Variants in CEP76 observed in about 807,000 individuals in gnomAD.
The protein encoded by CEP76 is centrosomal protein 76, also known as centrosomal protein of 76 kDa.
Under a neutral mutation model 83.3 loss-of-function variants are expected in CEP76, and 55 were observed. The ratio of observed to expected loss-of-function variants is 0.66; its 90% CI spans 0.53 to 0.83. CEP76 has a LOEUF of 0.83. Among genes scored for constraint, CEP76 ranks in the 40% least tolerant of loss-of-function variants. CEP76 has a pLI of 0.00. For missense variants in CEP76, 694 were observed against 799.5 expected (o/e 0.87, Z 1.59); for synonymous variants, 270 against 274.5 (o/e 0.98, Z 0.16).
chr18:12,690,087 C>G (rs199819430), intron 7 of CEP76, among the ~76,000 whole-genome samples: 1 of 87,118 alleles, frequency 1.1e-5, no homozygotes, highest in African/African-American at 3.2e-5. Context: ...CCGCGCCCGG[C>G]CAGGAAGCCA....
rs2040131578 is a variant in CEP76, at chr18:12,700,991, A to C, written c.186T>G (p.Ile62Met). 3.7e-6 allele frequency: 6 copies of C among 1,613,190 alleles called. No homozygotes were observed. Among genetic ancestry groups the C allele is most frequent in the Non-Finnish European group, 5.1e-6 (6 of 1,179,696 alleles). Residue 62 changes from isoleucine to methionine, a missense_variant, in exon 2 of 12, where the codon ATT (isoleucine) becomes ATG (methionine). Physicochemically the swap from Ile to Met is conservative, Grantham distance 10. Transcript: ENST00000262127. The part of the protein sequence containing the change: ...LIKALRRRGI[I>M]DDVMKELNFV... ...AATTAAGTTCTTTCATCACATCGTCAATGATTCCTCGACGTCTAAGGGCTT... is the reference window on the plus strand; with the variant it reads ...AATTAAGTTCTTTCATCACATCGTCCATGATTCCTCGACGTCTAAGGGCTT...
chr18:12,692,410 G>C (rs967928937), intron 6 of CEP76: 1 of 151,544 alleles, frequency 6.6e-6, no homozygotes, highest in Non-Finnish European at 1.5e-5. Flanking sequence ...ACTCTGGCCC[G>C]ACTATCTCAT....
At chr18:12,671,132 G>GGT (rs1001864950), downstream of CEP76, 3 of 149,368 alleles carry the variant, frequency 2.0e-5, no homozygotes, top group Non-Finnish European at 1.5e-5. Flanking sequence ...TAGAGAAATA[G>GGT]GGGGGGGTCT....
chr18:12,665,653 AC>A (rs1156500727), intron 12 of CEP76, among the ~76,000 whole-genome samples: 3 of 152,182 alleles, frequency 2.0e-5, no homozygotes, highest in African/African-American at 7.2e-5. Context: ...CCAGAGCTTA[AC>A]CTAAATTTAT....
rs768222033 is a variant in CEP76, at chr18:12,686,462, G to A, written c.934-12C>T. On this transcript the variant is annotated splice_polypyrimidine_tract_variant and intron_variant, in intron 7 of 11. Coordinates refer to ENST00000262127, the MANE Select transcript of CEP76 (RefSeq NM_024899.4). ...ATCCCATTTTCATCCTAGGGAAAAG[G>A]GGAAAAACATCTGTAATGACATATT... 1.3e-6 allele frequency: 2 copies of A among 1,581,904 alleles called. No homozygotes were observed. Among genetic ancestry groups the A allele is most frequent in the Non-Finnish European group, 8.6e-7 (1 of 1,158,472 alleles).
chr18:12,688,228 CAAAA>C (rs11337170), intron 7 of CEP76, among the ~76,000 whole-genome samples: 2 of 94,042 alleles, frequency 2.1e-5, no homozygotes, highest in Non-Finnish European at 4.3e-5. Context: ...GACTCCATCT[CAAAA>C]AAAAAAAAAA....
chr18:12,676,957 T>C (rs1384353208), intron 10 of CEP76, among the ~76,000 whole-genome samples: 1 of 152,114 alleles, frequency 6.6e-6, no homozygotes, highest in South Asian at 2.1e-4. Context: ...ATCAGAAATA[T>C]TTTGTAGGCA....
intron 1 of CEP76, among the ~76,000 whole-genome samples, chr18:12,701,892 A>T (rs1190414083): frequency 1.3e-5 from 2 of 152,184 alleles, no homozygotes; most frequent in East Asian, 3.9e-4. Context: ...GCACTTTAGG[A>T]GGCCGAGGCG....
chr18:12,680,674 A>G lies in CEP76; in HGVS notation c.1277T>C (p.Leu426Ser). ...TDGAITFWES[L>S]TGHRYIHKPT... ...TTAGTAAACTAACCTGTGTCCTGTT[A>G]AACTCTCCCAAAAAGTGATGGCCCC... The change falls in exon 9 of 12, where the codon TTA (leucine) becomes TCA (serine). Residue 426 changes from leucine to serine, a missense_variant. Physicochemically the swap from Leu to Ser is moderately radical, Grantham distance 145. Coordinates refer to ENST00000262127, the MANE Select transcript of CEP76 (RefSeq NM_024899.4). The G allele has an allele frequency of 4.3e-6, 7 of 1,610,626 alleles. No individual in the cohort carries two copies. Among genetic ancestry groups the G allele is most frequent in the Non-Finnish European group, 5.9e-6 (7 of 1,178,512 alleles).
chr18:12,668,597 C>CAAAAAAAAAAA (rs752216074), downstream of CEP76, among the ~76,000 whole-genome samples: 133 of 72,800 alleles, frequency 1.8e-3, 1 homozygote, highest in South Asian at 2.3e-3. Context: ...GATTCCATCT[C>CAAAAAAAAAAA]AAAAAAAAAA....
intron 6 of CEP76, among the ~76,000 whole-genome samples, chr18:12,692,523 C>T (rs2039805547): frequency 6.6e-6 from 1 of 151,462 alleles, no homozygotes; most frequent in African/African-American, 2.4e-5. Context: ...AAGCTCAGCC[C>T]CAATCTTTGC....
chr18:12,663,919 C>T (rs1343514900), intron 12 of CEP76, among the ~76,000 whole-genome samples: 1 of 151,900 alleles, frequency 6.6e-6, no homozygotes, highest in African/African-American at 2.4e-5. Context: ...AATCCCAGCA[C>T]TTTGGGAGGT....
At chr18:12,702,126 G>A (rs761484229) in intron 1 of CEP76, among the ~76,000 whole-genome samples, 7 of 152,006 alleles carry the variant, frequency 4.6e-5, no homozygotes, top group Admixed American at 1.3e-4. Context: ...TCCGTCTCAA[G>A]AAAGAAAAAA....
intron 10 of CEP76, among the ~76,000 whole-genome samples, chr18:12,676,361 G>A (rs1464321787): frequency 7.2e-6 from 1 of 138,352 alleles, no homozygotes; most frequent in African/African-American, 2.7e-5. Context: ...TCGGCTCACT[G>A]CAACCTCTGC....
chr18:12,697,229 C>T lies in CEP76; in HGVS notation c.700G>A (p.Gly234Ser), dbSNP rs559555963. Residue 234 changes from glycine to serine, a missense_variant, in exon 5 of 12, where the codon GGT becomes AGT. Gly to Ser is a moderately conservative substitution (Grantham distance 56, BLOSUM62 0). Transcript: ENST00000262127. ...GVTSLTVELM[G>S]VGTESKVSVG... is the part of the protein sequence containing the mutation. ...GATATATTAATCACCATACCTACAC[C>T]CATAAGTTCCACAGTCAGACTGGTC... 1 of 1,610,788 alleles carries T rather than the reference C, an allele frequency of 6.2e-7. No homozygotes were observed. Among genetic ancestry groups the T allele is most frequent in the Admixed American group, 1.7e-5 (1 of 59,576 alleles).
In CEP76 at chr18:12,687,713, A is replaced by G. The variant is rs149762734; in HGVS notation, c.934-1263T>C. Reference sequence around the variant, plus strand: ...AGTGATCCGCCCACCTCGACCTCCCAAAGTGCTGGTATTACAGGTGTGAGC... The same window carrying G: ...AGTGATCCGCCCACCTCGACCTCCCGAAGTGCTGGTATTACAGGTGTGAGC... On this transcript the variant is annotated intron_variant, in intron 7 of 11. Transcript: ENST00000262127. Among the ~76,000 whole-genome samples the G allele has an allele frequency of 1.3e-3, 196 of 151,744 alleles. 3 individuals are homozygous for G. In the East Asian group the frequency reaches 0.032, roughly 25 times the overall value.
At chr18:12,676,951 G>C (rs565126044) in intron 10 of CEP76, among the ~76,000 whole-genome samples, 1 of 152,268 alleles carries the variant, frequency 6.6e-6, no homozygotes, top group East Asian at 1.9e-4. Flanking sequence ...AGGTGAATCA[G>C]AAATATTTTG....
intron 4 of CEP76, among the ~76,000 whole-genome samples, chr18:12,698,231 C>T (rs1036051738): frequency 1.3e-5 from 2 of 150,992 alleles, no homozygotes; most frequent in Non-Finnish European, 3.0e-5. Flanking sequence ...AATATTTATT[C>T]ATTTATTTAT....
Position 12,673,499 on chromosome 18 carries a change from G to C in CEP76, c.1846C>G (p.Pro616Ala), listed in dbSNP as rs765300466. Residue 616 changes from proline (P) to alanine (A), a missense_variant, in exon 12 of 12, where the codon CCT becomes GCT. Physicochemically the swap from Pro to Ala is conservative, Grantham distance 27. Coordinates refer to ENST00000262127, the MANE Select transcript of CEP76 (RefSeq NM_024899.4). ...CAACAGATTATTTCTTCACAGAAAGGAGATCTATTTAAGAAAAAAAAAATT... is the reference window on the plus strand; with the variant it reads ...CAACAGATTATTTCTTCACAGAAAGCAGATCTATTTAAGAAAAAAAAAATT... ...RRAFATCLRS[P>A]FCEEIICCRG... The C allele has an allele frequency of 1.3e-5, 21 of 1,573,384 alleles. No individual in the cohort carries two copies. The highest frequency in any genetic ancestry group is 1.2e-5 in the South Asian group (1 of 84,324).
Sources: allele counts gnomAD v4.1 joint callset (sites outside exome capture counted in the v4.1 genomes callset), GRCh38; gene constraint gnomAD v4.1.1; transcripts MANE v1.5; gene names NCBI Gene and HGNC (gene_info 2026-07-23, HGNC 2026-07-21).